The following TUSC3 variants were observed in gnomAD, a reference collection of about 807,000 sequenced individuals.
The protein encoded by TUSC3 is dolichyl-diphosphooligosaccharide--protein glycosyltransferase subunit TUSC3.
In TUSC3, 45 loss-of-function variants were observed where a neutral mutation model predicts 44.8. The observed-to-expected ratio is 1.00, with a 90% CI of 0.79 to 1.29. TUSC3 has a LOEUF of 1.29. Ranked by LOEUF, TUSC3 falls within the 50% of genes most tolerant of loss-of-function variation. The probability of loss-of-function intolerance (pLI) is 0.00; values close to 1 mark genes in which losing one functional copy is unlikely to be tolerated. For missense variants in TUSC3, 519 were observed against 437.9 expected (o/e 1.19, Z -1.65); for synonymous variants, 212 against 152.9 (o/e 1.39, Z -2.85).
At chr8:15,508,709 C>T (rs1801093056) in intron 2 of TUSC3, among the ~76,000 whole-genome samples, 1 of 152,038 alleles carries the variant, frequency 6.6e-6, no homozygotes. Context: ...GATTCACCCG[C>T]CTGGGCGTCC....
intron 2 of TUSC3, among the ~76,000 whole-genome samples, chr8:15,501,769 G>C (rs892226074): frequency 6.6e-6 from 1 of 152,144 alleles, no homozygotes; most frequent in Non-Finnish European, 1.5e-5. Flanking sequence ...ATATCTAACA[G>C]GATGCTGATT....
chr8:15,783,913 C>T, the TUSC3 span, among the ~76,000 whole-genome samples: 4 of 152,028 alleles, frequency 2.6e-5, no homozygotes, highest in African/African-American at 4.8e-5. Flanking sequence ...ATGAAGAGAA[C>T]GCACAGATGG....
intron 6 of TUSC3, among the ~76,000 whole-genome samples, chr8:15,711,125 T>G (rs1224458466): frequency 4.6e-5 from 7 of 151,624 alleles, no homozygotes. Flanking sequence ...CGCTTTCCCT[T>G]TTTTTTCTTG....
At chr8:15,843,729 G>T in the TUSC3 span, among the ~76,000 whole-genome samples, 13 of 151,876 alleles carry the variant, frequency 8.6e-5, no homozygotes, top group Non-Finnish European at 1.8e-4. Context: ...GTATGTGTGT[G>T]TTTGTGTATG....
intron 1 of TUSC3, chr8:15,417,373 G>C (rs542960655): frequency 6.6e-6 from 1 of 152,202 alleles, no homozygotes; most frequent in South Asian, 2.1e-4. Flanking sequence ...AAAAGCACAA[G>C]AACAGACTGA....
chr8:15,688,123 A>G (rs1409137635), intron 6 of TUSC3, among the ~76,000 whole-genome samples: 1 of 152,090 alleles, frequency 6.6e-6, no homozygotes, highest in African/African-American at 2.4e-5. Context: ...TGTGTAGTAC[A>G]TTGGAAAGAG....
At chr8:15,792,899 G>A in the TUSC3 span, among the ~76,000 whole-genome samples, 3 of 152,012 alleles carry the variant, frequency 2.0e-5, no homozygotes, top group Non-Finnish European at 4.4e-5. Context: ...GATTACAGGC[G>A]TGAGTCACCA....
At chr8:15,476,997 C>A (rs1009195538) in intron 1 of TUSC3, among the ~76,000 whole-genome samples, 1 of 152,178 alleles carries the variant, frequency 6.6e-6, no homozygotes, top group Non-Finnish European at 1.5e-5. Flanking sequence ...AGTTGGATTG[C>A]AATCAATGTG....
intron 1 of TUSC3, among the ~76,000 whole-genome samples, chr8:15,452,000 A>G (rs1046979929): frequency 3.9e-5 from 6 of 152,186 alleles, no homozygotes; most frequent in Non-Finnish European, 7.3e-5. Flanking sequence ...CAAAAGAGTG[A>G]TGATGTCTTA....
intron 6 of TUSC3, among the ~76,000 whole-genome samples, chr8:15,697,553 T>C (rs1387654932): frequency 6.6e-6 from 1 of 152,220 alleles, no homozygotes; most frequent in Non-Finnish European, 1.5e-5. Flanking sequence ...AATGCAAATA[T>C]CTTGACCACA....
chr8:15,608,930 A>C (rs1013072040), intron 1 of TUSC3, among the ~76,000 whole-genome samples: 1 of 152,172 alleles, frequency 6.6e-6, no homozygotes, highest in Admixed American at 6.6e-5. Flanking sequence ...ACTCCCAAAA[A>C]ACTTGACTTG....
intron 3 of TUSC3, among the ~76,000 whole-genome samples, chr8:15,656,215 A>G (rs965659626): frequency 2.6e-5 from 4 of 152,242 alleles, no homozygotes; most frequent in Non-Finnish European, 4.4e-5. Context: ...TTTTGTCCCA[A>G]TACTGCCAAA....
chr8:15,754,757 A>G (rs1811853235), intron 9 of TUSC3, among the ~76,000 whole-genome samples: 2 of 150,884 alleles, frequency 1.3e-5, no homozygotes, highest in African/African-American at 2.4e-5. Flanking sequence ...AATTATCTTT[A>G]TGTACAGAAC....
At chr8:15,615,972 C>G (rs184094824) in intron 1 of TUSC3, among the ~76,000 whole-genome samples, 17 of 152,082 alleles carry the variant, frequency 1.1e-4, no homozygotes, top group Non-Finnish European at 2.5e-4. Flanking sequence ...GCTAGGACCA[C>G]GTGAACACAC....
chr8:15,571,571 G>T (rs1319135170), intron 1 of TUSC3, among the ~76,000 whole-genome samples: 1 of 152,156 alleles, frequency 6.6e-6, no homozygotes, highest in Non-Finnish European at 1.5e-5. Context: ...GCTTCTTGTT[G>T]ATGGCTACTG....
At chr8:15,834,237 T>G in the TUSC3 span, among the ~76,000 whole-genome samples, 14 of 89,210 alleles carry the variant, frequency 1.6e-4, no homozygotes, top group Admixed American at 3.9e-4. Flanking sequence ...ATTAATAAAA[T>G]TACTTTCTTC....
the TUSC3 span, among the ~76,000 whole-genome samples, chr8:15,801,044 G>T: frequency 6.6e-6 from 1 of 152,158 alleles, no homozygotes; most frequent in Admixed American, 6.5e-5. Flanking sequence ...TCTCACCCAA[G>T]AAAGAATTCA....
intron 1 of TUSC3, among the ~76,000 whole-genome samples, chr8:15,585,552 G>T (rs1281238976): frequency 6.6e-6 from 1 of 152,120 alleles, no homozygotes; most frequent in Non-Finnish European, 1.5e-5. Context: ...TGAGGGCTGG[G>T]CATCTCATTT....
chr8:15,714,876 A>T (rs371649773), intron 6 of TUSC3, among the ~76,000 whole-genome samples: 1 of 152,158 alleles, frequency 6.6e-6, no homozygotes, highest in African/African-American at 2.4e-5. Flanking sequence ...TTTACATTTT[A>T]TTATTAATAG....
Sources: allele counts gnomAD v4.1 joint callset (sites outside exome capture counted in the v4.1 genomes callset), GRCh38; gene constraint gnomAD v4.1.1; transcripts MANE v1.5; gene names NCBI Gene and HGNC (gene_info 2026-07-23, HGNC 2026-07-21).